Variants in RICTOR observed in about 807,000 individuals in gnomAD.
The protein encoded by RICTOR is rapamycin-insensitive companion of mTOR.
In RICTOR, 49 loss-of-function variants were observed where a neutral mutation model predicts 214.9. The observed-to-expected ratio is 0.23, with a 90% CI of 0.18 to 0.29. The LOEUF is 0.29. Among genes scored for constraint, RICTOR ranks in the 10% least tolerant of loss-of-function variants. RICTOR has a pLI of 1.00. For synonymous variants in RICTOR, 717 were observed against 711.3 expected, an observed-to-expected ratio of 1.01 and a Z score of -0.13; for missense variants, 1,625 against 2,047.0, an observed-to-expected ratio of 0.79 and a Z score of 3.98.
intron 2 of RICTOR, among the ~76,000 whole-genome samples, chr5:39,027,961 T>C (rs1025305037): frequency 7.9e-5 from 12 of 151,760 alleles, no homozygotes; most frequent in African/African-American, 2.9e-4. Flanking sequence ...AACAATAAAA[T>C]AACCCATGTA....
chr5:38,975,627 G>A (rs762797642), intron 9 of RICTOR, 23 bp from the exon 10 acceptor site: 31 of 1,588,660 alleles, frequency 2.0e-5, no homozygotes, highest in Middle Eastern at 3.3e-4. Context: ...GGGAGGCAGC[G>A]GGGAGAATCA....
intron 11 of RICTOR, chr5:38,971,057 G>C (rs1445709929): frequency 1.3e-5 from 2 of 152,510 alleles, no homozygotes; most frequent in Admixed American, 6.5e-5. Flanking sequence ...GCCCAGGCTG[G>C]AGTGCAATGG....
Position 38,962,141 on chromosome 5 carries a change from T to C in RICTOR, c.1715+174A>G, listed in dbSNP as rs1749846292. On this transcript the variant is annotated intron_variant, in intron 19 of 37. Coordinates refer to ENST00000357387, the MANE Select transcript of RICTOR (RefSeq NM_152756.5). ...AATAACTAGAAAAAGAATTTGCTAA[T>C]ATGTTTTGGTTATAAAATAAGACTA... Among the ~76,000 whole-genome samples the C allele has an allele frequency of 2.3e-5, 3 of 132,046 alleles. No individual in the cohort carries two copies. The South Asian group carries it at 7.8e-4, about 34-fold the overall frequency. The allele number at this position is 132,046 out of a possible 152,430, so 86.6% of individuals were successfully genotyped here.
intron 34 of RICTOR, chr5:38,945,286 A>G (rs1748066771): frequency 6.6e-6 from 4 of 608,480 alleles, no homozygotes; most frequent in Middle Eastern, 4.3e-4. Context: ...GACCTAATCC[A>G]GGGATCTGTC....
chr5:39,046,374 AT>A (rs1475154371), intron 2 of RICTOR, among the ~76,000 whole-genome samples: 1 of 150,232 alleles, frequency 6.7e-6, no homozygotes, highest in Non-Finnish European at 1.5e-5. Context: ...TAAAAACAAA[AT>A]TAAAAAAAAA....
chr5:39,047,552 A>C (rs1757579377), intron 2 of RICTOR, among the ~76,000 whole-genome samples: 1 of 152,172 alleles, frequency 6.6e-6, no homozygotes. Context: ...TCTTACGTAG[A>C]CTACATTATA....
Position 38,990,760 on chromosome 5 carries a change from T to TATATCAG in RICTOR, c.583+188_583+189insCTGATAT, listed in dbSNP as rs1409335861. Among the ~76,000 whole-genome samples the TATATCAG allele has an allele frequency of 9.3e-5, 10 of 107,402 alleles. 1 individual carries two copies. Among genetic ancestry groups the TATATCAG allele is most frequent in the African/African-American group, 3.5e-4 (10 of 28,652 alleles). The allele number at this position is 107,402 out of a possible 152,430, so 70.5% of individuals were successfully genotyped here. ...TGATATATATGAGATATATGATATA[T>TATATCAG]ATGAGATATATGATATATATGAGAT... On this transcript the variant is annotated intron_variant, in intron 7 of 37. Coordinates refer to ENST00000357387, the MANE Select transcript of RICTOR (RefSeq NM_152756.5).
chr5:39,036,336 C>G (rs1480388268), intron 2 of RICTOR, among the ~76,000 whole-genome samples: 3 of 152,198 alleles, frequency 2.0e-5, no homozygotes, highest in African/African-American at 7.2e-5. Flanking sequence ...TGAAAAGGAA[C>G]AACGGGTACC....
In RICTOR at chr5:38,940,895, G is replaced by A; in HGVS notation, c.*1409C>T. On this transcript the variant is annotated 3_prime_UTR_variant, in exon 38 of 38. Coordinates refer to ENST00000357387, the MANE Select transcript of RICTOR (RefSeq NM_152756.5). ...GGAAAATATTAATGTTGCTATGACT[G>A]TGTCAAAACTGATGTGTAATTGTAA... 1 of 232,296 alleles carries A rather than the reference G, an allele frequency of 4.3e-6. No individual in the cohort carries two copies. Among genetic ancestry groups the A allele is most frequent in the Non-Finnish European group, 8.5e-6 (1 of 117,476 alleles). The allele number at this position is 232,296 out of a possible 1,614,324, so 14.4% of individuals were successfully genotyped here.
chr5:38,967,357 A>G lies in RICTOR; in HGVS notation c.1131T>C (p.Leu377=), dbSNP rs1427428303. ...GFVAAEAKTI[L]PHRARSRPDL... is the part of the protein sequence containing the mutation. ...TCTACCTGGATCTGGCACGATGAGG[A>G]AGAATAGTTTTTGCCTCAGCTGCCA... The change falls in exon 13 of 38, where the codon CTT becomes CTC. Residue 377 remains leucine, a synonymous_variant. Transcript: ENST00000357387. 1 of 1,613,614 alleles carries G rather than the reference A, an allele frequency of 6.2e-7. No individual in the cohort carries two copies. The highest frequency in any genetic ancestry group is 2.2e-5 in the East Asian group (1 of 44,860).
chr5:38,947,203 T>TAA, intron 32 of RICTOR, 61 bp downstream of exon 32: 1 of 1,227,360 alleles, frequency 8.1e-7, no homozygotes, highest in Non-Finnish European at 1.2e-6. Context: ...AGTAAGCAGT[T>TAA]ACAGCATATG....
chr5:39,002,933 T>C (rs1753750634), intron 4 of RICTOR, among the ~76,000 whole-genome samples: 1 of 152,162 alleles, frequency 6.6e-6, no homozygotes, highest in Non-Finnish European at 1.5e-5. Context: ...TACTTTATTT[T>C]ATATAAACAA....
In RICTOR at chr5:39,034,696, G is replaced by A. The variant is rs1192313627; in HGVS notation, c.98-13560C>T. ...CCACACCTGGCTCAGCGGGTCCTAC[G>A]CCCACAGAGCCTCACTCATTGCTAG... On this transcript the variant is annotated intron_variant, in intron 2 of 37. Transcript: ENST00000357387. 2.0e-5 allele frequency among the ~76,000 whole-genome samples: 3 copies of A among 152,204 alleles called. No homozygotes were observed. In the South Asian group the frequency reaches 6.2e-4, roughly 31 times the overall value.
intron 2 of RICTOR, among the ~76,000 whole-genome samples, chr5:39,056,271 A>G (rs1473911904): frequency 1.3e-5 from 2 of 152,196 alleles, no homozygotes; most frequent in African/African-American, 4.8e-5. Flanking sequence ...TTGTCTCCTC[A>G]CAAAACTTAC....
At chr5:39,021,319 C>T (rs1336823186) in intron 2 of RICTOR, among the ~76,000 whole-genome samples, 183 bp from the exon 3 acceptor site, 1 of 152,214 alleles carries the variant, frequency 6.6e-6, no homozygotes, top group Non-Finnish European at 1.5e-5. Context: ...CTTCACATCT[C>T]TACTCCCCTG....
intron 2 of RICTOR, among the ~76,000 whole-genome samples, chr5:39,038,850 A>T (rs1341425124): frequency 6.6e-6 from 1 of 152,160 alleles, no homozygotes; most frequent in Non-Finnish European, 1.5e-5. Context: ...TTCCATGCTC[A>T]CGGGTAGGAA....
At position 38,940,405 on chromosome 5, in the gene RICTOR, T is replaced by C. The variant is rs1747430728; in HGVS notation, c.*1899A>G. The C allele has an allele frequency of 4.3e-6, 1 of 232,526 alleles. No homozygotes were observed. Among genetic ancestry groups the C allele is most frequent in the Non-Finnish European group, 8.5e-6 (1 of 117,420 alleles). 14.4% of individuals were successfully genotyped at this position (232,526 alleles called of 1,614,324 possible). Reference sequence around the variant, plus strand: ...GATTACATTACTTCCTTTGGAGGTTTTAACCACTATTTGGTCTAGTAACTC... The same window carrying C: ...GATTACATTACTTCCTTTGGAGGTTCTAACCACTATTTGGTCTAGTAACTC... On this transcript the variant is annotated 3_prime_UTR_variant, in exon 38 of 38. Coordinates refer to ENST00000357387, the MANE Select transcript of RICTOR (RefSeq NM_152756.5).
chr5:39,028,340 G>A (rs545730324), intron 2 of RICTOR, among the ~76,000 whole-genome samples: 10 of 151,512 alleles, frequency 6.6e-5, no homozygotes, highest in Non-Finnish European at 1.5e-4. Context: ...CCGCCACTAC[G>A]CCCGGCTAAT....
At chr5:39,047,116 C>A (rs1285436708) in intron 2 of RICTOR, among the ~76,000 whole-genome samples, 1 of 152,110 alleles carries the variant, frequency 6.6e-6, no homozygotes, top group Non-Finnish European at 1.5e-5. Context: ...ATTAGAAATT[C>A]TGGACTCCCT....
Sources: allele counts gnomAD v4.1 joint callset (sites outside exome capture counted in the v4.1 genomes callset), GRCh38; gene constraint gnomAD v4.1.1; transcripts MANE v1.5; gene names NCBI Gene and HGNC (gene_info 2026-07-23, HGNC 2026-07-21).